The following SMYD3 variants were observed in gnomAD, a reference collection of about 807,000 sequenced individuals.
SMYD3 encodes the protein histone-lysine N-methyltransferase SMYD3.
Under a neutral mutation model 57.7 loss-of-function variants are expected in SMYD3, and 36 were observed. The ratio of observed to expected loss-of-function variants is 0.62; its 90% CI spans 0.48 to 0.82. The LOEUF is 0.82. Among genes scored for constraint, SMYD3 ranks in the 40% least tolerant of loss-of-function variants. The pLI, the probability that SMYD3 is intolerant of heterozygous loss-of-function variation, is 0.00. For missense variants in SMYD3, 515 were observed against 538.8 expected, an observed-to-expected ratio of 0.96 and a Z score of 0.44; for synonymous variants, 211 against 195.0, an observed-to-expected ratio of 1.08 and a Z score of -0.68.
chr1:246,507,018 TCGCGACTCAGGTAGGCGAGGG>T lies in SMYD3; in HGVS notation c.164+15_164+35del, dbSNP rs1205756882. 18 of 1,359,408 alleles carry T rather than the reference TCGCGACTCAGGTAGGCGAGGG, an allele frequency of 1.3e-5. No homozygotes were observed. In the East Asian group the frequency reaches 5.7e-4, roughly 43 times the overall value. 84.2% of individuals were successfully genotyped at this position (1,359,408 alleles called of 1,614,324 possible). On this transcript the variant is annotated intron_variant, in intron 1 of 11. Transcript: ENST00000490107. The stretch of plus-strand genomic sequence containing the variant: ...CCCCCTCCCCAGCACCCCACACAGC[TCGCGACTCAGGTAGGCGAGGG>T]CGCTCCTTACGCACCCGAGAAGGCA...
intron 8 of SMYD3, among the ~76,000 whole-genome samples, chr1:245,877,766 G>A (rs12119771): frequency 0.59 from 90,181 of 152,080 alleles, 29,732 homozygotes; most frequent in Non-Finnish European, 0.76. Context: ...AGGGACGTTC[G>A]CTTTTGGACA....
chr1:246,410,998 T>C lies in SMYD3; in HGVS notation c.165-55904A>G, dbSNP rs377124931. Among the ~76,000 whole-genome samples the C allele has an allele frequency of 8.3e-3, 1,130 of 136,044 alleles. 19 individuals carry two copies. Among genetic ancestry groups the C allele is most frequent in the African/African-American group, 0.029 (1,054 of 35,858 alleles). 89.3% of individuals were successfully genotyped at this position (136,044 alleles called of 152,430 possible). A position where few individuals can be genotyped will look rare whatever the true frequency, so the allele number is the denominator to read the frequency against. ...ATTCTCTGATGGTAGTTTGTATTTC[T>C]GTGGGATCGGTGGTGATATCCCCTT... On this transcript the variant is annotated intron_variant, in intron 1 of 11. Coordinates refer to ENST00000490107, the MANE Select transcript of SMYD3 (RefSeq NM_001167740.2).
intron 5 of SMYD3, among the ~76,000 whole-genome samples, chr1:246,061,172 G>A (rs1198249883): frequency 2.6e-5 from 4 of 152,056 alleles, no homozygotes; most frequent in East Asian, 1.9e-4. Flanking sequence ...GCAGTGAGTC[G>A]AGATGGCACC....
At chr1:246,375,233 T>C (rs1423851356) in intron 1 of SMYD3, among the ~76,000 whole-genome samples, 2 of 151,784 alleles carry the variant, frequency 1.3e-5, no homozygotes, top group Admixed American at 1.3e-4. Flanking sequence ...GAGGAATGAA[T>C]GGCTCAGTAT....
intron 5 of SMYD3, among the ~76,000 whole-genome samples, chr1:246,127,048 G>A (rs886868614): frequency 6.6e-6 from 1 of 151,858 alleles, no homozygotes; most frequent in Non-Finnish European, 1.5e-5. Flanking sequence ...ACCGTAGAGA[G>A]CGGATTCCAA....
intron 5 of SMYD3, among the ~76,000 whole-genome samples, chr1:246,263,773 AAAT>A (rs2064055202): frequency 6.6e-6 from 1 of 152,216 alleles, no homozygotes; most frequent in South Asian, 2.1e-4. Flanking sequence ...GATCAAACCT[AAAT>A]AGTGGTTAAT....
At chr1:246,082,234 G>A (rs2060648148) in intron 5 of SMYD3, among the ~76,000 whole-genome samples, 1 of 152,046 alleles carries the variant, frequency 6.6e-6, no homozygotes, top group Non-Finnish European at 1.5e-5. Context: ...TTGTTAAAAT[G>A]TAGGCGTAGT....
chr1:246,321,226 C>T (rs2065242603), intron 5 of SMYD3, among the ~76,000 whole-genome samples: 1 of 152,208 alleles, frequency 6.6e-6, no homozygotes, highest in African/African-American at 2.4e-5. Context: ...GCAGACTGCG[C>T]TCTTGGCTAG....
chr1:246,150,049 T>C (rs1422758379), intron 5 of SMYD3, among the ~76,000 whole-genome samples: 1 of 152,248 alleles, frequency 6.6e-6, no homozygotes, highest in African/African-American at 2.4e-5. Context: ...TCTGTTTTTT[T>C]AACTTACCTT....
chr1:245,762,592 A>C (rs972667170), intron 11 of SMYD3, among the ~76,000 whole-genome samples: 1 of 152,222 alleles, frequency 6.6e-6, no homozygotes, highest in Non-Finnish European at 1.5e-5. Context: ...AACATGCCAG[A>C]CATGATAAAA....
chr1:245,779,176 A>G (rs72766626), intron 10 of SMYD3, among the ~76,000 whole-genome samples: 4,304 of 143,700 alleles, frequency 0.03, 183 homozygotes, highest in Admixed American at 0.11. Flanking sequence ...AAAAAAAAAA[A>G]AAAAAGAAAA....
At chr1:246,419,498 A>G (rs1204868726) in intron 1 of SMYD3, among the ~76,000 whole-genome samples, 1 of 152,162 alleles carries the variant, frequency 6.6e-6, no homozygotes, top group African/African-American at 2.4e-5. Context: ...AGACCAGGGT[A>G]GTCTTGGAAA....
rs565344271 is a variant in SMYD3 at position 246,306,558 on chromosome 1, A to C, written c.531+20643T>G. On this transcript the variant is annotated intron_variant, in intron 5 of 11. Coordinates refer to ENST00000490107, the MANE Select transcript of SMYD3 (RefSeq NM_001167740.2). ...CAATGGATAGTCACTTTAGTACTTT[A>C]GTATAATACTTAAGAGATCACACAA... is the stretch of plus-strand genomic sequence containing the variant. Among the ~76,000 whole-genome samples the C allele has an allele frequency of 5.4e-3, 820 of 152,344 alleles. 12 individuals carry two copies. Among genetic ancestry groups the C allele is most frequent in the African/African-American group, 0.018 (768 of 41,572 alleles).
chr1:246,416,466 C>A (rs2067062560), intron 1 of SMYD3, among the ~76,000 whole-genome samples: 1 of 151,256 alleles, frequency 6.6e-6, no homozygotes, highest in South Asian at 2.1e-4. Flanking sequence ...AAAAATGAAC[C>A]CTATGTGCCA....
intron 5 of SMYD3, among the ~76,000 whole-genome samples, chr1:245,977,021 CT>C (rs2058455641): frequency 8.3e-6 from 1 of 120,778 alleles, no homozygotes; most frequent in African/African-American, 3.6e-5. Flanking sequence ...AAGCCATCGT[CT>C]CTAGCCCAGG....
intron 5 of SMYD3, among the ~76,000 whole-genome samples, chr1:246,243,352 T>G (rs2063647027): frequency 6.6e-6 from 1 of 151,464 alleles, no homozygotes; most frequent in African/African-American, 2.4e-5. Context: ...TCTAAAATTT[T>G]ACTAGGAATA....
chr1:245,973,599 C>T (rs1181094845), intron 5 of SMYD3, among the ~76,000 whole-genome samples: 1 of 152,200 alleles, frequency 6.6e-6, no homozygotes, highest in Non-Finnish European at 1.5e-5. Flanking sequence ...CACGAGAGAG[C>T]AAACATACCA....
chr1:246,471,649 T>C lies in SMYD3; in HGVS notation c.164+35405A>G, dbSNP rs559501654. On this transcript the variant is annotated intron_variant, in intron 1 of 11. Coordinates refer to ENST00000490107, the MANE Select transcript of SMYD3 (RefSeq NM_001167740.2). ...TTTATGAGAGGATTAAAACTTCAAC[T>C]AGCACAGCAATTATGCACTGGCGCT... Among the ~76,000 whole-genome samples, 26 of 152,368 alleles carry C rather than the reference T, an allele frequency of 1.7e-4. No individual in the cohort carries two copies. The South Asian group carries it at 5.4e-3, about 32-fold the overall frequency.
At chr1:246,470,019 G>C (rs2067936508) in intron 1 of SMYD3, among the ~76,000 whole-genome samples, 1 of 152,092 alleles carries the variant, frequency 6.6e-6, no homozygotes, top group Admixed American at 6.6e-5. Context: ...CTCTGGCTGG[G>C]GTTGAAAAAT....
Sources: allele counts gnomAD v4.1 joint callset (sites outside exome capture counted in the v4.1 genomes callset), GRCh38; gene constraint gnomAD v4.1.1; transcripts MANE v1.5; gene names NCBI Gene and HGNC (gene_info 2026-07-23, HGNC 2026-07-21).